PDE4D: variants seen among roughly 807,000 people sequenced by gnomAD.
PDE4D encodes 3',5'-cyclic-AMP phosphodiesterase 4D.
Under a neutral mutation model 87.4 loss-of-function variants are expected in PDE4D, and 24 were observed. The ratio of observed to expected loss-of-function variants is 0.27; its 90% CI spans 0.20 to 0.39. PDE4D has a LOEUF of 0.39. Among genes scored for constraint, PDE4D ranks in the 10% least tolerant of loss-of-function variants. The probability of loss-of-function intolerance (pLI) is 1.00; values close to 1 mark genes in which losing one functional copy is unlikely to be tolerated. For synonymous variants in PDE4D, 384 were observed against 383.2 expected (o/e 1.00, Z -0.02); for missense variants, 714 against 1,041.0 (o/e 0.69, Z 4.32).
At chr5:59,596,044 C>T (rs1477439471) in intron 1 of PDE4D, among the ~76,000 whole-genome samples, 7 of 151,130 alleles carry the variant, frequency 4.6e-5, no homozygotes, top group African/African-American at 1.5e-4. Flanking sequence ...TGTTTTCAGT[C>T]ACTTTAATAG....
intron 5 of PDE4D, among the ~76,000 whole-genome samples, chr5:59,094,510 G>A (rs1769336823): frequency 6.6e-6 from 1 of 152,036 alleles, no homozygotes; most frequent in African/African-American, 2.4e-5. Context: ...CAGAACTGAA[G>A]GACTCATATC....
At chr5:59,955,757 TC>T (rs762711316) in intron 3 of PDE4D, among the ~76,000 whole-genome samples, 3 of 152,128 alleles carry the variant, frequency 2.0e-5, no homozygotes, top group Non-Finnish European at 4.4e-5. Context: ...CAGAGCCACA[TC>T]CTTGCTTTAC....
At chr5:59,548,971 G>A (rs1186127192) in intron 1 of PDE4D, among the ~76,000 whole-genome samples, 1 of 152,072 alleles carries the variant, frequency 6.6e-6, no homozygotes, top group East Asian at 1.9e-4. Context: ...TAGGTTCCAC[G>A]AATCATTATT....
At chr5:59,434,794 T>C (rs1796575707) in intron 1 of PDE4D, among the ~76,000 whole-genome samples, 1 of 152,158 alleles carries the variant, frequency 6.6e-6, no homozygotes, top group Non-Finnish European at 1.5e-5. Flanking sequence ...CAATAACTGC[T>C]AATCAGGTCA....
chr5:59,104,574 C>T (rs142382944), intron 5 of PDE4D, among the ~76,000 whole-genome samples: 10 of 152,030 alleles, frequency 6.6e-5, no homozygotes, highest in Non-Finnish European at 1.2e-4. Context: ...TTCACAACAG[C>T]GGCAAGGAAA....
intron 1 of PDE4D, among the ~76,000 whole-genome samples, chr5:59,845,677 G>A (rs539019334): frequency 2.0e-5 from 3 of 152,214 alleles, no homozygotes; most frequent in African/African-American, 7.2e-5. Context: ...ACCAATTTCA[G>A]ATAATACTAC....
At chr5:59,611,751 C>T (rs920006914) in intron 1 of PDE4D, among the ~76,000 whole-genome samples, 15 of 152,168 alleles carry the variant, frequency 9.9e-5, no homozygotes, top group Non-Finnish European at 1.6e-4. Context: ...TACTTTGTCA[C>T]TTAAATGAAG....
At chr5:60,431,900 G>A (rs1339817083) in intron 1 of PDE4D, among the ~76,000 whole-genome samples, 11 of 152,312 alleles carry the variant, frequency 7.2e-5, no homozygotes, top group South Asian at 2.1e-4. Context: ...GCGAAACCCC[G>A]TCTCCACCAA....
At chr5:59,064,440 T>C (rs1763590116) in intron 5 of PDE4D, among the ~76,000 whole-genome samples, 2 of 152,102 alleles carry the variant, frequency 1.3e-5, no homozygotes, top group East Asian at 3.9e-4. Context: ...CTAGACTACA[T>C]AGCCTCCTAA....
At position 59,239,891 on chromosome 5, in the gene PDE4D, A is replaced by T. The variant is rs187118918; in HGVS notation, c.456-23923T>A. Among the ~76,000 whole-genome samples the T allele has an allele frequency of 9.6e-4, 147 of 152,338 alleles. 1 individual carries two copies. Among genetic ancestry groups the T allele is most frequent in the Non-Finnish European group, 3.7e-4 (25 of 68,026 alleles). ...AAGCACTCACATATTAAAATGAGTT[A>T]ATGAATGTGAAAGCACCTAGAACAG... On this transcript the variant is annotated intron_variant, in intron 1 of 14. Transcript: ENST00000340635.
intron 1 of PDE4D, among the ~76,000 whole-genome samples, chr5:60,413,163 G>A (rs1166557956): frequency 6.6e-6 from 1 of 152,026 alleles, no homozygotes; most frequent in East Asian, 1.9e-4. Flanking sequence ...TTTATCCCAG[G>A]ACATACTTCC....
At position 60,117,909 on chromosome 5, in the gene PDE4D, C is replaced by T. The variant is rs561344949; in HGVS notation, c.42+67648G>A. Reference sequence around the variant, plus strand: ...ATCTCTTAATCATTTCTTCCACCCCCTCAATCTGACTTCTGTTCACACCAC... The same window carrying T: ...ATCTCTTAATCATTTCTTCCACCCCTTCAATCTGACTTCTGTTCACACCAC... On this transcript the variant is annotated intron_variant, in intron 2 of 16. Coordinates refer to the PDE4D transcript ENST00000502484. Among the ~76,000 whole-genome samples, 45 of 152,080 alleles carry T rather than the reference C, an allele frequency of 3.0e-4. 1 individual carries two copies. In the South Asian group the frequency reaches 9.4e-3, roughly 32 times the overall value.
In PDE4D at chr5:59,191,667, C is replaced by T. The variant is rs536693502; in HGVS notation, c.684+1833G>A. ...CACTGCAACCTCCACCTCCCGGGTT[C>T]AAGCAATTATCCTGCCTCAGCCTCC... is the stretch of plus-strand genomic sequence containing the variant. On this transcript the variant is annotated intron_variant, in intron 3 of 14. Coordinates refer to ENST00000340635, the MANE Select transcript of PDE4D (RefSeq NM_001104631.2). Among the ~76,000 whole-genome samples, 4 of 152,162 alleles carry T rather than the reference C, an allele frequency of 2.6e-5. No homozygotes were observed. In the South Asian group the frequency reaches 8.3e-4, roughly 32 times the overall value.
At chr5:59,708,647 G>A (rs553037476) in intron 1 of PDE4D, among the ~76,000 whole-genome samples, 4 of 152,174 alleles carry the variant, frequency 2.6e-5, no homozygotes, top group African/African-American at 7.2e-5. Flanking sequence ...GCTTAGTTGT[G>A]GGAGAGGACA....
intron 5 of PDE4D, among the ~76,000 whole-genome samples, chr5:59,149,174 C>T (rs1779103441): frequency 6.6e-6 from 1 of 152,108 alleles, no homozygotes. Context: ...GAAAAGCAAA[C>T]AGGGAAGAAC....
intron 1 of PDE4D, among the ~76,000 whole-genome samples, chr5:59,831,264 C>A (rs1277870820): frequency 1.5e-5 from 2 of 136,202 alleles, no homozygotes; most frequent in Non-Finnish European, 3.0e-5. Flanking sequence ...AAAGTTAGTA[C>A]ATGCAGATAG....
intron 1 of PDE4D, among the ~76,000 whole-genome samples, chr5:60,252,147 T>A (rs1487006820): frequency 6.6e-6 from 1 of 152,076 alleles, no homozygotes; most frequent in East Asian, 1.9e-4. Flanking sequence ...CACTCTACAA[T>A]GTTTGCACAA....
intron 1 of PDE4D, among the ~76,000 whole-genome samples, chr5:59,654,204 CAAAT>C (rs1353402649): frequency 2.0e-5 from 3 of 150,576 alleles, no homozygotes; most frequent in East Asian, 2.0e-4. Flanking sequence ...GACCAAGTCT[CAAAT>C]AAATAAATAA....
At chr5:59,626,885 T>A (rs1022465641) in intron 1 of PDE4D, among the ~76,000 whole-genome samples, 1 of 152,202 alleles carries the variant, frequency 6.6e-6, no homozygotes, top group Non-Finnish European at 1.5e-5. Context: ...ATAAATAAGA[T>A]CTTTAATTTC....
Sources: allele counts gnomAD v4.1 joint callset (sites outside exome capture counted in the v4.1 genomes callset), GRCh38; gene constraint gnomAD v4.1.1; transcripts MANE v1.5; gene names NCBI Gene and HGNC (gene_info 2026-07-23, HGNC 2026-07-21).